The following MOSPD1 variants were observed in gnomAD, a reference collection of about 807,000 sequenced individuals.
MOSPD1 encodes the protein motile sperm domain-containing protein 1.
Under a neutral mutation model 16.7 loss-of-function variants are expected in MOSPD1, and 5 were observed. The observed-to-expected ratio is 0.30, with a 90% CI of 0.16 to 0.63. The LOEUF (loss-of-function observed/expected upper bound fraction) is 0.63. MOSPD1 is among the 30% of genes least tolerant of loss of function. MOSPD1 has a pLI of 0.82. For synonymous variants in MOSPD1, 67 were observed against 59.2 expected, an observed-to-expected ratio of 1.13 and a Z score of -0.61; for missense variants, 104 against 153.6, an observed-to-expected ratio of 0.68 and a Z score of 1.71.
chrX:134,911,266 T>C (rs949319476), intron 1 of MOSPD1, among the ~76,000 whole-genome samples: 2 of 111,823 alleles, frequency 1.8e-5, no homozygotes, highest in African/African-American at 6.5e-5. Context: ...GAGTAGTTAC[T>C]ATAAAAAATT....
At chrX:134,890,808 CTAAA>C (rs1219242998) in intron 5 of MOSPD1, among the ~76,000 whole-genome samples, 1 of 110,635 alleles carries the variant, frequency 9.0e-6, no homozygotes, top group African/African-American at 3.3e-5. Flanking sequence ...AATTCCGTCT[CTAAA>C]TAAATAAATA....
chrX:134,906,856 T>C (rs763960632), intron 1 of MOSPD1, among the ~76,000 whole-genome samples: 1 of 111,639 alleles, frequency 9.0e-6, no homozygotes, highest in Non-Finnish European at 1.9e-5. Flanking sequence ...TTATCCAAGG[T>C]TGCACAGGGT....
chrX:134,892,825 G>T (rs1308822704), intron 4 of MOSPD1, among the ~76,000 whole-genome samples: 2 of 111,229 alleles, frequency 1.8e-5, no homozygotes, highest in African/African-American at 6.5e-5. Context: ...TCGGGAGGTG[G>T]AGGTTGCAGT....
Position 134,889,029 on chromosome X carries a change from A to T in MOSPD1, c.*132T>A. On this transcript the variant is annotated 3_prime_UTR_variant, in exon 6 of 6. Coordinates refer to ENST00000370783, the MANE Select transcript of MOSPD1 (RefSeq NM_019556.3). Reference sequence around the variant, plus strand: ...AATTAAATTATAATTTAAAATATATATTATACATTTGCAATTATTTGAAAT... The same window carrying T: ...AATTAAATTATAATTTAAAATATATTTTATACATTTGCAATTATTTGAAAT... The T allele has an allele frequency of 2.9e-6, 1 of 342,444 alleles. No homozygotes were observed. The highest frequency in any genetic ancestry group is 5.0e-6 in the Non-Finnish European group (1 of 200,653). 28.2% of individuals were successfully genotyped at this position (342,444 alleles called of 1,213,427 possible). A position where few individuals can be genotyped will look rare whatever the true frequency, so the allele number is the denominator to read the frequency against.
rs2082921191 is a variant in MOSPD1 at position 134,903,206 on chromosome X, G to A, written c.-101-3672C>T. 2.7e-5 allele frequency among the ~76,000 whole-genome samples: 3 copies of A among 109,372 alleles called. No homozygotes were observed. In the South Asian group the frequency reaches 1.1e-3, roughly 41 times the overall value. 95.0% of individuals were successfully genotyped at this position (109,372 alleles called of 115,157 possible). A position where few individuals can be genotyped will look rare whatever the true frequency, so the allele number is the denominator to read the frequency against. On this transcript the variant is annotated intron_variant, in intron 1 of 5. Coordinates refer to ENST00000370783, the MANE Select transcript of MOSPD1 (RefSeq NM_019556.3). The stretch of plus-strand genomic sequence containing the variant: ...TAATCAATAAATGCTGGCTAAATCA[G>A]GTATCTATCTAGAAAAAAAATAATT...
Position 134,887,787 on chromosome X carries a change from G to A in MOSPD1, c.*1374C>T, listed in dbSNP as rs919982252. 1 of 113,201 alleles carries A rather than the reference G, an allele frequency of 8.8e-6. No individual in the cohort carries two copies. Among genetic ancestry groups the A allele is most frequent in the South Asian group, 3.6e-4 (1 of 2,792 alleles). The allele number at this position is 113,201 out of a possible 1,213,427, so 9.3% of individuals were successfully genotyped here. On this transcript the variant is annotated 3_prime_UTR_variant, in exon 6 of 6. Transcript: ENST00000370783. Reference sequence around the variant, plus strand: ...ACACATCATTTTTACAAAGTTCAAAGTAGATTACATTTATGTGCTTTTCAT... The same window carrying A: ...ACACATCATTTTTACAAAGTTCAAAATAGATTACATTTATGTGCTTTTCAT...
chrX:134,913,103 G>T (rs898865402), intron 1 of MOSPD1, among the ~76,000 whole-genome samples: 2 of 110,722 alleles, frequency 1.8e-5, no homozygotes, highest in Non-Finnish European at 3.8e-5. Flanking sequence ...GCTGGGCGTG[G>T]TGGCTCACGC....
intron 1 of MOSPD1, among the ~76,000 whole-genome samples, chrX:134,902,311 G>A (rs1198794721): frequency 1.8e-5 from 2 of 109,940 alleles, no homozygotes; most frequent in Non-Finnish European, 3.8e-5. Flanking sequence ...GGAGGCTAAG[G>A]CAGGAGAATT....
intron 1 of MOSPD1, among the ~76,000 whole-genome samples, chrX:134,911,993 G>GTATA (rs2082973737): frequency 8.9e-6 from 1 of 112,448 alleles, no homozygotes; most frequent in Non-Finnish European, 1.9e-5. Context: ...ATGAAAAGAG[G>GTATA]TATAGGTCAA....
intron 1 of MOSPD1, among the ~76,000 whole-genome samples, chrX:134,909,477 A>G (rs1417799266): frequency 9.0e-6 from 1 of 111,605 alleles, no homozygotes; most frequent in African/African-American, 3.3e-5. Context: ...CCTTCAGGTC[A>G]GCTCCCTTTT....
At chrX:134,909,509 CCTT>C (rs2082960279) in intron 1 of MOSPD1, among the ~76,000 whole-genome samples, 1 of 111,531 alleles carries the variant, frequency 9.0e-6, no homozygotes, top group Admixed American at 9.6e-5. Context: ...GGGGCTATCT[CCTT>C]CTTCCATACT....
intron 3 of MOSPD1, among the ~76,000 whole-genome samples, chrX:134,898,587 G>A (rs762578032): frequency 8.9e-6 from 1 of 112,049 alleles, no homozygotes; most frequent in East Asian, 2.8e-4. Context: ...TTATCTGGAA[G>A]AGCTCAAATA....
chrX:134,907,267 G>A (rs2082948098), intron 1 of MOSPD1, among the ~76,000 whole-genome samples: 1 of 111,542 alleles, frequency 9.0e-6, no homozygotes, highest in South Asian at 3.8e-4. Context: ...CCCTGATGCT[G>A]ACTACCACAC....
At chrX:134,898,393 GAA>G (rs1304589721) in intron 3 of MOSPD1, among the ~76,000 whole-genome samples, 14 of 111,954 alleles carry the variant, frequency 1.3e-4, no homozygotes, top group African/African-American at 4.5e-4. Flanking sequence ...TTGAGCTGGT[GAA>G]AAAGTATTCA....
rs1478514198 is a variant in MOSPD1, at chrX:134,899,097, C to T, written c.223G>A (p.Val75Met). ...AAGAVKPQCCVDIVIRHRDVR... is the reference protein window; with the variant it reads ...AAGAVKPQCCMDIVIRHRDVR... ...GAATTGATCTTGACTTACATATCCA[C>T]ACAACACTGAGGCTTTACTGCACCT... Residue 75 changes from valine (V) to methionine (M), a missense_variant, in exon 3 of 6, where the codon GTG (valine) becomes ATG (methionine). Val to Met is a conservative substitution (Grantham distance 21). Coordinates refer to ENST00000370783, the MANE Select transcript of MOSPD1 (RefSeq NM_019556.3). 3.3e-6 allele frequency: 4 copies of T among 1,199,059 alleles called. No homozygotes were observed. In the East Asian group the frequency reaches 1.2e-4, roughly 36 times the overall value.
At chrX:134,905,743 C>T (rs866673241) in intron 1 of MOSPD1, among the ~76,000 whole-genome samples, 7 of 111,370 alleles carry the variant, frequency 6.3e-5, no homozygotes, top group African/African-American at 9.8e-5. Context: ...AGAATAATTT[C>T]GATTATTTAA....
At chrX:134,894,675 A>T (rs1409148784) in intron 4 of MOSPD1, among the ~76,000 whole-genome samples, 1 of 111,751 alleles carries the variant, frequency 8.9e-6, no homozygotes, top group Middle Eastern at 4.2e-3. Context: ...AGGACTGTGA[A>T]TGGGGCTCTG....
At position 134,890,910 on chromosome X, in the gene MOSPD1, T is replaced by A. The variant is rs747617418; in HGVS notation, c.610+569A>T. On this transcript the variant is annotated intron_variant, in intron 5 of 5. Transcript: ENST00000370783. ...AGGAGAACATGAGGAAAGTCATTCA[T>A]CACCAGAACACTAATCCTCGACACA... 5.4e-5 allele frequency among the ~76,000 whole-genome samples: 6 copies of A among 111,865 alleles called. No individual in the cohort carries two copies. The South Asian group carries it at 2.2e-3, about 42-fold the overall frequency.
intron 1 of MOSPD1, among the ~76,000 whole-genome samples, chrX:134,911,820 C>G (rs2082973146): frequency 8.9e-6 from 1 of 112,141 alleles, no homozygotes; most frequent in African/African-American, 3.2e-5. Context: ...AAAAAAAATT[C>G]TAACTTCATC....
Sources: gnomAD v4.1 joint callset for allele counts (sites outside exome capture counted in the v4.1 genomes callset) on GRCh38, gnomAD v4.1.1 for gene constraint, MANE v1.5 for transcripts, NCBI Gene and HGNC (gene_info 2026-07-23, HGNC 2026-07-21) for gene names.